GTF2H1: variants seen among roughly 807,000 people sequenced by gnomAD.
The protein encoded by GTF2H1 is general transcription factor IIH subunit 1, also known as BTF2 p62.
A neutral mutation model predicts 71.2 loss-of-function variants in GTF2H1; 16 were observed. That is an observed-to-expected ratio of 0.22 (90% CI 0.15 to 0.34). The LOEUF (loss-of-function observed/expected upper bound fraction) is 0.34. Among genes scored for constraint, GTF2H1 ranks in the 10% least tolerant of loss-of-function variants. GTF2H1 has a pLI of 1.00. For synonymous variants in GTF2H1, 215 were observed against 219.0 expected, an observed-to-expected ratio of 0.98 and a Z score of 0.16; for missense variants, 498 against 648.2, an observed-to-expected ratio of 0.77 and a Z score of 2.52.
intron 11 of GTF2H1, among the ~76,000 whole-genome samples, chr11:18,355,437 C>T (rs1347808902): frequency 1.3e-5 from 2 of 151,852 alleles, no homozygotes; most frequent in Admixed American, 6.6e-5. Flanking sequence ...GCCACCACGC[C>T]CAGCCTTTTT....
At position 18,358,267 on chromosome 11, in the gene GTF2H1, TATC is replaced by T. The variant is rs1335170761; in HGVS notation, c.1351+228_1351+230del. ...AGTGGTACATTGCTAGTTTCTCTAA[TATC>T]ATAGTAAAAGCTCCTTTCTTCTCCC... On this transcript the variant is annotated intron_variant, in intron 12 of 14. Coordinates refer to ENST00000265963, the MANE Select transcript of GTF2H1 (RefSeq NM_005316.4). Among the ~76,000 whole-genome samples, 5 of 152,240 alleles carry T rather than the reference TATC, an allele frequency of 3.3e-5. No individual in the cohort carries two copies. The East Asian group carries it at 9.6e-4, about 29-fold the overall frequency.
chr11:18,338,283 G>A lies in GTF2H1; in HGVS notation c.513+9G>A, dbSNP rs1295139848. On this transcript the variant is annotated intron_variant, in intron 4 of 14. Coordinates refer to ENST00000265963, the MANE Select transcript of GTF2H1 (RefSeq NM_005316.4). ...TTTCTGCTGCATTTCTGGTATGTGA[G>A]CCTTCTAGATTTCTGAAGAAAATAA... 4 of 1,585,486 alleles carry A rather than the reference G, an allele frequency of 2.5e-6. No individual in the cohort carries two copies. In the African/African-American group the frequency reaches 4.0e-5, roughly 16 times the overall value.
intron 4 of GTF2H1, 83 bp from the exon 5 acceptor site, chr11:18,339,481 C>A: frequency 1.1e-6 from 1 of 882,360 alleles, no homozygotes. Context: ...ATTTTTTTTT[C>A]CACCTTTGTC....
intron 1 of GTF2H1, among the ~76,000 whole-genome samples, chr11:18,326,994 T>TA (rs59805062): frequency 5.1e-4 from 76 of 148,250 alleles, no homozygotes; most frequent in South Asian, 1.9e-3. Flanking sequence ...TCATCTCTAC[T>TA]AAAAAAAAAA....
At chr11:18,348,306 A>G in intron 9 of GTF2H1, 1 of 315,996 alleles carries the variant, frequency 3.2e-6, no homozygotes, top group Non-Finnish European at 5.7e-6. Flanking sequence ...ATTGGCCCTC[A>G]TGTTAAACCT....
intron 7 of GTF2H1, 61 bp downstream of exon 7, chr11:18,341,668 C>T: frequency 9.4e-7 from 1 of 1,061,250 alleles, no homozygotes; most frequent in Non-Finnish European, 1.4e-6. Context: ...TCAACATTGT[C>T]TTAAGCGTAG....
At chr11:18,341,449 G>A (rs747291796) in intron 6 of GTF2H1, 39 bp downstream of exon 6, 2 of 1,610,186 alleles carry the variant, frequency 1.2e-6, no homozygotes, top group Non-Finnish European at 1.7e-6. Flanking sequence ...TATTTAACTT[G>A]CCACCCTCTA....
chr11:18,341,425 C>A lies in GTF2H1; in HGVS notation c.757+15C>A. ...AGATGAAAAAGGTAACTGTTTATCT[C>A]TGATAGACACTGGTATTTAACTTGC... On this transcript the variant is annotated intron_variant, in intron 6 of 14. Transcript: ENST00000265963. 1 of 1,611,516 alleles carries A rather than the reference C, an allele frequency of 6.2e-7. No homozygotes were observed. Among genetic ancestry groups the A allele is most frequent in the South Asian group, 1.1e-5 (1 of 90,782 alleles).
At chr11:18,359,232 T>C (rs996576124) in intron 13 of GTF2H1, among the ~76,000 whole-genome samples, 2 of 152,102 alleles carry the variant, frequency 1.3e-5, no homozygotes, top group Admixed American at 1.3e-4. Context: ...TGCAGATAAA[T>C]TACAGCTACA....
rs774364636 is a variant in GTF2H1 at position 18,358,505 on chromosome 11, G to T, written c.1352-20G>T. 1 of 1,359,302 alleles carries T rather than the reference G, an allele frequency of 7.4e-7. No homozygotes were observed. The highest frequency in any genetic ancestry group is 1.1e-6 in the Non-Finnish European group (1 of 948,038). 84.2% of individuals were successfully genotyped at this position (1,359,302 alleles called of 1,614,324 possible). On this transcript the variant is annotated intron_variant, in intron 12 of 14. Transcript: ENST00000265963. ...TGTTAAAATAGCTCTTAACCTATGG[G>T]CCTTGTTCTTCTTTTGCAGAGATGG...
Position 18,365,937 on chromosome 11 carries a change from T to G in GTF2H1, c.*68T>G. 1 of 1,062,838 alleles carries G rather than the reference T, an allele frequency of 9.4e-7. No individual in the cohort carries two copies. 65.8% of individuals were successfully genotyped at this position (1,062,838 alleles called of 1,614,324 possible). A position where few individuals can be genotyped will look rare whatever the true frequency, so the allele number is the denominator to read the frequency against. On this transcript the variant is annotated 3_prime_UTR_variant, in exon 15 of 15. Transcript: ENST00000265963. ...ATGACCTGCAGCAACTCTGGAAACCTGGCCTGACAGACAAGCAGATGACCT... is the reference window on the plus strand; with the variant it reads ...ATGACCTGCAGCAACTCTGGAAACCGGGCCTGACAGACAAGCAGATGACCT...
intron 1 of GTF2H1, among the ~76,000 whole-genome samples, chr11:18,325,477 C>G (rs775782041): frequency 7.9e-5 from 12 of 152,206 alleles, no homozygotes; most frequent in Non-Finnish European, 1.3e-4. Flanking sequence ...TTGGACTCTT[C>G]TTATAGGCCA....
At chr11:18,362,124 T>C (rs972180163) in intron 14 of GTF2H1, among the ~76,000 whole-genome samples, 2 of 152,218 alleles carry the variant, frequency 1.3e-5, no homozygotes, top group African/African-American at 4.8e-5. Context: ...ACTTCTAGGC[T>C]ATATGGTGTA....
At chr11:18,324,007 A>G (rs1050862754) in intron 1 of GTF2H1, among the ~76,000 whole-genome samples, 1 of 152,128 alleles carries the variant, frequency 6.6e-6, no homozygotes, top group African/African-American at 2.4e-5. Flanking sequence ...TCCCTCATTC[A>G]GAAAGGAGAA....
chr11:18,342,519 C>G (rs1475069525), intron 7 of GTF2H1, among the ~76,000 whole-genome samples: 1 of 152,086 alleles, frequency 6.6e-6, no homozygotes, highest in Admixed American at 6.6e-5. Context: ...ACCTTGGCCT[C>G]CCAAAGTGCT....
intron 1 of GTF2H1, among the ~76,000 whole-genome samples, chr11:18,329,351 C>T (rs4150550): frequency 6.6e-6 from 1 of 151,918 alleles, no homozygotes; most frequent in Non-Finnish European, 1.5e-5. Flanking sequence ...TCTGCTCTTC[C>T]TTCTCATTAA....
chr11:18,327,650 G>A (rs1565002930), intron 1 of GTF2H1, among the ~76,000 whole-genome samples: 1 of 152,214 alleles, frequency 6.6e-6, no homozygotes, highest in Non-Finnish European at 1.5e-5. Context: ...CCAGACTGGA[G>A]TGCAGTGGTA....
chr11:18,354,280 A>AC (rs1865492393), intron 11 of GTF2H1, among the ~76,000 whole-genome samples: 1 of 152,150 alleles, frequency 6.6e-6, no homozygotes, highest in African/African-American at 2.4e-5. Context: ...TGTGATATTA[A>AC]ATTTTTTCAC....
chr11:18,331,596 G>A (rs1278450533), intron 1 of GTF2H1, among the ~76,000 whole-genome samples: 1 of 152,036 alleles, frequency 6.6e-6, no homozygotes, highest in East Asian at 1.9e-4. Flanking sequence ...AACCCAGGAG[G>A]CGAAGGTTGT....
Sources: gnomAD v4.1 joint callset for allele counts (sites outside exome capture counted in the v4.1 genomes callset) on GRCh38, gnomAD v4.1.1 for gene constraint, MANE v1.5 for transcripts, NCBI Gene and HGNC (gene_info 2026-07-23, HGNC 2026-07-21) for gene names.